The following NASP variants were observed in gnomAD, a reference collection of about 807,000 sequenced individuals.
The protein encoded by NASP is nuclear autoantigenic sperm protein.
In NASP, 24 loss-of-function variants were observed where a neutral mutation model predicts 89.5. The observed-to-expected ratio is 0.27, with a 90% confidence interval of 0.19 to 0.38. The LOEUF (loss-of-function observed/expected upper bound fraction) is 0.38. Among genes scored for constraint, NASP ranks in the 10% least tolerant of loss-of-function variants. NASP has a pLI of 1.00. For missense variants in NASP, 848 were observed against 921.4 expected (o/e 0.92, Z 1.03); for synonymous variants, 306 against 324.7 (o/e 0.94, Z 0.62).
intron 2 of NASP, among the ~76,000 whole-genome samples, chr1:45,597,657 A>G (rs1643731982): frequency 6.6e-6 from 1 of 152,194 alleles, no homozygotes; most frequent in South Asian, 2.1e-4. Flanking sequence ...TCAGTATGGC[A>G]AATACTGACA....
At chr1:45,609,944 G>A (rs2148363763) in intron 6 of NASP, 1 of 152,298 alleles carries the variant, frequency 6.6e-6, no homozygotes, top group Admixed American at 6.5e-5. Context: ...CTTCACACCT[G>A]TATCCCAGCA....
intron 2 of NASP, among the ~76,000 whole-genome samples, 162 bp downstream of exon 2, chr1:45,591,432 C>G (rs1200374479): frequency 6.6e-6 from 1 of 152,216 alleles, no homozygotes. Flanking sequence ...GGGCTCACTA[C>G]AACCTTGAAC....
At chr1:45,606,898 G>A (rs916790510) in intron 5 of NASP, among the ~76,000 whole-genome samples, 2 of 152,182 alleles carry the variant, frequency 1.3e-5, no homozygotes, top group Admixed American at 6.5e-5. Flanking sequence ...GTGTTTTTCT[G>A]ATGCAAATTT....
chr1:45,594,510 GC>G (rs1393094964), intron 2 of NASP, among the ~76,000 whole-genome samples: 2 of 152,134 alleles, frequency 1.3e-5, no homozygotes, highest in Admixed American at 6.5e-5. Context: ...AAAACACAGT[GC>G]TTGATATGTA....
In NASP at chr1:45,606,334, C is replaced by A. The variant is rs571640996; in HGVS notation, c.300-148C>A. On this transcript the variant is annotated intron_variant, in intron 4 of 14. Coordinates refer to ENST00000350030, the MANE Select transcript of NASP (RefSeq NM_002482.4). ...TAATTTATATTACTAAAGTTTTGATCATTGCTTCCTTGAATATACATAGTT... is the reference window on the plus strand; with the variant it reads ...TAATTTATATTACTAAAGTTTTGATAATTGCTTCCTTGAATATACATAGTT... 109 of 578,722 alleles carry A rather than the reference C, an allele frequency of 1.9e-4. 1 individual carries two copies. In the African/African-American group the frequency reaches 1.9e-3, roughly 10 times the overall value. The allele number at this position is 578,722 out of a possible 1,614,324, so 35.8% of individuals were successfully genotyped here. A position where few individuals can be genotyped will look rare whatever the true frequency, so the allele number is the denominator to read the frequency against.
chr1:45,594,833 T>G (rs1214072147), intron 2 of NASP: 1 of 377,898 alleles, frequency 2.6e-6, no homozygotes, highest in Non-Finnish European at 5.6e-6. Flanking sequence ...ATATTCTGAT[T>G]CTGAGAGAAA....
intron 2 of NASP, among the ~76,000 whole-genome samples, chr1:45,599,576 C>T (rs1027057656): frequency 6.6e-6 from 1 of 152,078 alleles, no homozygotes; most frequent in East Asian, 1.9e-4. Context: ...TACAGGCACA[C>T]ACCACCACGC....
Position 45,606,475 on chromosome 1 carries a change from C to A in NASP, c.300-7C>A, listed in dbSNP as rs1384774744. 2 of 1,606,570 alleles carry A rather than the reference C, an allele frequency of 1.2e-6. No individual in the cohort carries two copies. Among genetic ancestry groups the A allele is most frequent in the Non-Finnish European group, 1.7e-6 (2 of 1,173,494 alleles). Reference sequence around the variant, plus strand: ...CAAACCTTTGGTGCTTTCTTTTGTTCTCCTAGAATGGAGAATGGTGTGTTG... The same window carrying A: ...CAAACCTTTGGTGCTTTCTTTTGTTATCCTAGAATGGAGAATGGTGTGTTG... On this transcript the variant is annotated splice_polypyrimidine_tract_variant and splice_region_variant and intron_variant, in intron 4 of 14. Transcript: ENST00000350030.
intron 2 of NASP, among the ~76,000 whole-genome samples, chr1:45,598,258 T>C (rs1005185100): frequency 7.3e-5 from 11 of 151,506 alleles, no homozygotes; most frequent in African/African-American, 1.7e-4. Context: ...GCAGCCTCCT[T>C]CTCCCAGGTT....
intron 6 of NASP, chr1:45,611,216 T>TAA (rs1158861486): frequency 2.0e-5 from 3 of 152,192 alleles, no homozygotes; most frequent in Admixed American, 6.5e-5. Flanking sequence ...TAGGAAAAAT[T>TAA]AAATTGATAT....
chr1:45,584,644 C>T lies in NASP; in HGVS notation c.59+439C>T, dbSNP rs538812984. On this transcript the variant is annotated intron_variant, in intron 1 of 14. Transcript: ENST00000350030. ...TTTGGCGCCAAAAGGGAAAAAAAAC[C>T]TTGCACGAGGAAGGAGGCTGGACCT... Among the ~76,000 whole-genome samples the T allele has an allele frequency of 1.7e-3, 229 of 135,998 alleles. 1 individual carries two copies. The highest frequency in any genetic ancestry group is 6.0e-3 in the African/African-American group (222 of 36,718). The allele number at this position is 135,998 out of a possible 152,430, so 89.2% of individuals were successfully genotyped here.
intron 14 of NASP, 77 bp downstream of exon 14, chr1:45,617,668 G>A: frequency 4.1e-6 from 6 of 1,462,960 alleles, no homozygotes; most frequent in Non-Finnish European, 4.6e-6. Flanking sequence ...CCTCTCAAGT[G>A]CATGCTCCCC....
At chr1:45,604,773 T>C (rs1244804046) in intron 3 of NASP, 163 bp from the exon 4 acceptor site, 4 of 569,822 alleles carry the variant, frequency 7.0e-6, no homozygotes, top group Non-Finnish European at 1.2e-5. Flanking sequence ...GCATACAAAA[T>C]TTTCATGCAT....
chr1:45,596,679 T>A (rs1317457456), intron 2 of NASP, among the ~76,000 whole-genome samples: 1 of 152,250 alleles, frequency 6.6e-6, no homozygotes, highest in Non-Finnish European at 1.5e-5. Context: ...GATTATACAG[T>A]ACAACTAACC....
intron 1 of NASP, among the ~76,000 whole-genome samples, chr1:45,590,474 G>A (rs1397250827): frequency 2.0e-5 from 3 of 150,972 alleles, no homozygotes; most frequent in African/African-American, 7.3e-5. Context: ...GCGTGAACCC[G>A]GGAGGCGGAG....
rs760942150 is a variant in NASP, at chr1:45,604,930, TTG to T, written c.219-4_219-3del. The T allele has an allele frequency of 1.3e-6, 2 of 1,594,428 alleles. No individual in the cohort carries two copies. The highest frequency in any genetic ancestry group is 2.7e-5 in the African/African-American group (2 of 74,386). On this transcript the variant is annotated splice_region_variant and splice_polypyrimidine_tract_variant and intron_variant, in intron 3 of 14. Coordinates refer to ENST00000350030, the MANE Select transcript of NASP (RefSeq NM_002482.4). Reference sequence around the variant, plus strand: ...TTCAGATTTTAGATGTTTATTCTCTTTGTAGAGGTAAGAAGTATGGAGAGACA... The same window carrying T: ...TTCAGATTTTAGATGTTTATTCTCTTTAGAGGTAAGAAGTATGGAGAGACA...
At chr1:45,587,687 T>TATATATATAAAA (rs66829841) in intron 1 of NASP, among the ~76,000 whole-genome samples, 8 of 78,198 alleles carry the variant, frequency 1.0e-4, no homozygotes, top group South Asian at 5.4e-4. Context: ...TATATATATA[T>TATATATATAAAA]AATTAATTTT....
chr1:45,616,739 C>T (rs760793461), intron 13 of NASP, 36 bp downstream of exon 13: 1 of 1,571,938 alleles, frequency 6.4e-7, no homozygotes, highest in African/African-American at 1.4e-5. Flanking sequence ...TCTACCGTTT[C>T]CTCAGACTCC....
intron 11 of NASP, 80 bp downstream of exon 11, chr1:45,615,551 A>G: frequency 1.4e-6 from 2 of 1,397,022 alleles, no homozygotes; most frequent in Non-Finnish European, 2.0e-6. Context: ...ACTTTTCATC[A>G]TGACTTGGTT....
Sources: gnomAD v4.1 joint callset for allele counts (sites outside exome capture counted in the v4.1 genomes callset) on GRCh38, gnomAD v4.1.1 for gene constraint, MANE v1.5 for transcripts, NCBI Gene and HGNC (gene_info 2026-07-23, HGNC 2026-07-21) for gene names.